The following GLCE variants were observed in gnomAD, a reference collection of about 807,000 sequenced individuals.
The protein encoded by GLCE is glucuronic acid epimerase.
GLCE carries 19 observed loss-of-function variants against 47.9 expected under a neutral mutation model. That is an observed-to-expected ratio of 0.40 (90% CI 0.28 to 0.58). The LOEUF (loss-of-function observed/expected upper bound fraction) is 0.58. GLCE is among the 20% of genes least tolerant of loss of function. The probability of loss-of-function intolerance (pLI) is 0.48; values close to 1 mark genes in which losing one functional copy is unlikely to be tolerated. For synonymous variants in GLCE, 245 were observed against 263.4 expected (o/e 0.93, Z 0.68); for missense variants, 556 against 743.3 (o/e 0.75, Z 2.93).
intron 4 of GLCE, among the ~76,000 whole-genome samples, chr15:69,266,534 G>T (rs1024141752): frequency 1.3e-5 from 2 of 152,078 alleles, no homozygotes; most frequent in African/African-American, 4.8e-5. Flanking sequence ...TTCTTGCCCA[G>T]ACTGGTCTCA....
chr15:69,193,038 G>C (rs1335599939), intron 1 of GLCE, among the ~76,000 whole-genome samples: 1 of 151,900 alleles, frequency 6.6e-6, no homozygotes, highest in African/African-American at 2.4e-5. Context: ...CATTTTTTGG[G>C]ATCTCTTTCC....
intron 1 of GLCE, among the ~76,000 whole-genome samples, chr15:69,177,755 C>G (rs1288725002): frequency 6.6e-6 from 1 of 151,950 alleles, no homozygotes; most frequent in Non-Finnish European, 1.5e-5. Flanking sequence ...TACTTCATGC[C>G]CCTCCACACT....
At chr15:69,171,645 C>T (rs990421705) in intron 1 of GLCE, among the ~76,000 whole-genome samples, 3 of 152,124 alleles carry the variant, frequency 2.0e-5, no homozygotes, top group South Asian at 4.1e-4. Flanking sequence ...ATCCACCCAC[C>T]TTGACCTCCC....
intron 1 of GLCE, among the ~76,000 whole-genome samples, chr15:69,174,730 A>G (rs2051636653): frequency 6.6e-6 from 1 of 152,232 alleles, no homozygotes; most frequent in African/African-American, 2.4e-5. Context: ...ATTCACTGTC[A>G]TCCCTTACAC....
intron 2 of GLCE, among the ~76,000 whole-genome samples, chr15:69,253,165 A>C (rs2052871626): frequency 6.6e-6 from 1 of 152,328 alleles, no homozygotes; most frequent in Non-Finnish European, 1.5e-5. Flanking sequence ...CCTACACTTG[A>C]ATACAGATAG....
At chr15:69,243,057 CAAAAAAAAAAA>C (rs547412078) in intron 2 of GLCE, among the ~76,000 whole-genome samples, 2 of 42,340 alleles carry the variant, frequency 4.7e-5, no homozygotes, top group Admixed American at 2.6e-4. Flanking sequence ...AGATCCTGTC[CAAAAAAAAAAA>C]AAAAAAAAGA....
chr15:69,192,222 T>G (rs1192223590), intron 1 of GLCE, among the ~76,000 whole-genome samples: 3 of 152,020 alleles, frequency 2.0e-5, no homozygotes, highest in African/African-American at 4.8e-5. Flanking sequence ...TCATGGCATC[T>G]TTATTTTTTG....
At chr15:69,193,693 C>T (rs1301683920) in intron 1 of GLCE, among the ~76,000 whole-genome samples, 1 of 151,966 alleles carries the variant, frequency 6.6e-6, no homozygotes, top group Non-Finnish European at 1.5e-5. Flanking sequence ...TAAGGAGACA[C>T]TGACTCTCAG....
intron 2 of GLCE, among the ~76,000 whole-genome samples, chr15:69,223,879 G>A (rs2052410733): frequency 6.6e-6 from 1 of 151,564 alleles, no homozygotes; most frequent in Non-Finnish European, 1.5e-5. Flanking sequence ...TTTTCATTTT[G>A]TACTTCTCAG....
chr15:69,166,984 A>G (rs12910906), intron 1 of GLCE, among the ~76,000 whole-genome samples: 102,638 of 147,386 alleles, frequency 0.7, 36,754 homozygotes, highest in Non-Finnish European at 0.77. Flanking sequence ...GGGAGGCTGA[A>G]GCAGGTGGAT....
At chr15:69,218,389 C>T (rs1197054261) in intron 2 of GLCE, among the ~76,000 whole-genome samples, 1 of 151,948 alleles carries the variant, frequency 6.6e-6, no homozygotes. Flanking sequence ...TGGTGCATGC[C>T]TATAGTCTCA....
At chr15:69,206,058 A>T (rs978076863) in intron 1 of GLCE, among the ~76,000 whole-genome samples, 6 of 152,062 alleles carry the variant, frequency 3.9e-5, no homozygotes, top group African/African-American at 1.4e-4. Flanking sequence ...TCTTGAATCC[A>T]TTCCAGTATT....
At position 69,184,727 on chromosome 15, in the gene GLCE, A is replaced by G. The variant is rs181694266; in HGVS notation, c.-105+23970A>G. Reference sequence around the variant, plus strand: ...AGTTAGTACCTTAATGAAGACACCAAAGATTCAGATCATTTCCATTGTTCC... The same window carrying G: ...AGTTAGTACCTTAATGAAGACACCAGAGATTCAGATCATTTCCATTGTTCC... On this transcript the variant is annotated intron_variant, in intron 1 of 4. Coordinates refer to ENST00000261858, the MANE Select transcript of GLCE (RefSeq NM_015554.3). 1.7e-3 allele frequency among the ~76,000 whole-genome samples: 258 copies of G among 152,328 alleles called. 1 individual carries two copies. The highest frequency in any genetic ancestry group is 6.8e-3 in the Middle Eastern group (2 of 294).
At chr15:69,259,689 G>T (rs927712341) in intron 3 of GLCE, among the ~76,000 whole-genome samples, 7 of 152,160 alleles carry the variant, frequency 4.6e-5, no homozygotes, top group Non-Finnish European at 2.9e-5. Context: ...ATCAGTCCCA[G>T]TTCTTGTGCC....
intron 1 of GLCE, among the ~76,000 whole-genome samples, chr15:69,199,670 G>A (rs1424856407): frequency 6.6e-6 from 1 of 152,142 alleles, no homozygotes; most frequent in Non-Finnish European, 1.5e-5. Flanking sequence ...CTGGTGGCAC[G>A]GCCAGTGCCA....
rs2053170864 is a variant in GLCE at position 69,271,848 on chromosome 15, A to G, written c.*2604A>G. 6.6e-6 allele frequency: 1 copy of G among 152,490 alleles called. No individual in the cohort carries two copies. Among genetic ancestry groups the G allele is most frequent in the South Asian group, 2.1e-4 (1 of 4,812 alleles). 9.4% of individuals were successfully genotyped at this position (152,490 alleles called of 1,614,324 possible). On this transcript the variant is annotated 3_prime_UTR_variant, in exon 5 of 5. Transcript: ENST00000261858. ...CAAGTGCAAAAATGACACAAGCACA[A>G]CTCTCCAGACGTGGCTCCTTCTCCT...
chr15:69,262,590 C>T (rs1014278162), intron 4 of GLCE, among the ~76,000 whole-genome samples: 1 of 152,072 alleles, frequency 6.6e-6, no homozygotes, highest in South Asian at 2.1e-4. Flanking sequence ...GAACTCTGTC[C>T]TATTTAGAGC....
At chr15:69,266,825 A>G (rs1320281334) in intron 4 of GLCE, 1 of 388,536 alleles carries the variant, frequency 2.6e-6, no homozygotes, top group African/African-American at 2.1e-5. Flanking sequence ...TCTACAACTA[A>G]TTAGCTTTTG....
intron 1 of GLCE, among the ~76,000 whole-genome samples, chr15:69,192,669 G>T (rs1161973210): frequency 1.3e-5 from 2 of 151,788 alleles, no homozygotes; most frequent in Non-Finnish European, 2.9e-5. Context: ...AAGGATGTTA[G>T]TTTTTTTCTA....
Sources: gnomAD v4.1 joint callset for allele counts (sites outside exome capture counted in the v4.1 genomes callset) on GRCh38, gnomAD v4.1.1 for gene constraint, MANE v1.5 for transcripts, NCBI Gene and HGNC (gene_info 2026-07-23, HGNC 2026-07-21) for gene names.